Variants in SENP6 observed in about 807,000 individuals in gnomAD.
SENP6 encodes sentrin-specific protease 6.
A neutral mutation model predicts 134.5 loss-of-function variants in SENP6; 41 were observed. That is an observed-to-expected ratio of 0.30 (90% CI 0.24 to 0.40). The LOEUF is 0.40. SENP6 is among the 10% of genes least tolerant of loss of function. The pLI, the probability that SENP6 is intolerant of heterozygous loss-of-function variation, is 1.00. For missense variants in SENP6, 1,248 were observed against 1,312.5 expected (o/e 0.95, Z 0.76); for synonymous variants, 395 against 429.8 (o/e 0.92, Z 1.00).
chr6:75,616,960 C>A (rs901184134), intron 1 of SENP6, among the ~76,000 whole-genome samples: 1 of 151,910 alleles, frequency 6.6e-6, no homozygotes, highest in Non-Finnish European at 1.5e-5. Context: ...ACCTCCCAGG[C>A]TCAATTGATC....
intron 3 of SENP6, 122 bp downstream of exon 3, chr6:75,624,082 A>G (rs749443484): frequency 5.8e-5 from 39 of 668,350 alleles, no homozygotes; most frequent in Non-Finnish European, 9.2e-5. Context: ...CCAGAGGCAA[A>G]TGGTGTTCCC....
chr6:75,711,406 A>T lies in SENP6; in HGVS notation c.2899A>T (p.Ile967Phe). 6.2e-7 allele frequency: 1 copy of T among 1,607,368 alleles called. No homozygotes were observed. Among genetic ancestry groups the T allele is most frequent in the Non-Finnish European group, 8.5e-7 (1 of 1,174,550 alleles). The stretch of plus-strand genomic sequence containing the variant: ...AGGACAGTGGCATTTAAAGCCTACT[A>T]TCTGTAAACAGTAAGCATTAACTGT... Reference protein sequence around the residue: ...EIGQWHLKPTICKQPCILLMD... With the variant: ...EIGQWHLKPTFCKQPCILLMD... Residue 967 changes from isoleucine (I) to phenylalanine (F), a missense_variant, in exon 21 of 24, where the codon ATC becomes TTC. Ile to Phe is a conservative substitution (Grantham distance 21). Transcript: ENST00000447266.
chr6:75,602,571 T>C lies in SENP6; in HGVS notation c.47T>C (p.Leu16Pro). The C allele has an allele frequency of 6.4e-7, 1 of 1,551,426 alleles. No individual in the cohort carries two copies. Among genetic ancestry groups the C allele is most frequent in the Non-Finnish European group, 8.7e-7 (1 of 1,146,854 alleles). Residue 16 changes from leucine to proline, a missense_variant, in exon 1 of 24, where the codon CTG (leucine) becomes CCG (proline). Around this residue, in one of 3 missense-constraint regions of SENP6, gnomAD observed 733 missense variants for 725.4 expected, o/e 1.01. Transcript: ENST00000447266. ...GGTAGCGCAGGGGAGATTACTTTTC[T>C]GGAAGGTACGTCTGTTTCTGCCCTT... ...SGGSAGEITF[L>P]EALARSESKR...
At chr6:75,695,475 G>A (rs1489793549) in intron 16 of SENP6, among the ~76,000 whole-genome samples, 4 of 152,186 alleles carry the variant, frequency 2.6e-5, no homozygotes, top group African/African-American at 7.2e-5. Context: ...CATGGCTCAC[G>A]CCTGTAATCC....
At chr6:75,706,428 GT>G (rs760506105) in intron 19 of SENP6, among the ~76,000 whole-genome samples, 86 of 152,018 alleles carry the variant, frequency 5.7e-4, no homozygotes, top group Admixed American at 4.6e-4. Flanking sequence ...ATGAATTAAG[GT>G]ACTTGACTTA....
intron 5 of SENP6, among the ~76,000 whole-genome samples, chr6:75,637,678 G>C (rs185474484): frequency 6.6e-5 from 10 of 152,084 alleles, no homozygotes; most frequent in Admixed American, 6.5e-4. Context: ...AACCTTATAA[G>C]AAATTCTTGT....
At chr6:75,671,615 G>A (rs182471862) in intron 11 of SENP6, among the ~76,000 whole-genome samples, 11 of 152,078 alleles carry the variant, frequency 7.2e-5, no homozygotes, top group Non-Finnish European at 1.3e-4. Context: ...CCAGCTGCTC[G>A]GGAGGCTGAG....
intron 1 of SENP6, among the ~76,000 whole-genome samples, chr6:75,613,321 C>T (rs1236307610): frequency 6.6e-6 from 1 of 152,024 alleles, no homozygotes; most frequent in Non-Finnish European, 1.5e-5. Flanking sequence ...CACAGCAATA[C>T]CTATTTGCAT....
chr6:75,669,489 C>A (rs1258642179), intron 10 of SENP6, among the ~76,000 whole-genome samples: 3 of 151,414 alleles, frequency 2.0e-5, no homozygotes, highest in Non-Finnish European at 4.4e-5. Context: ...GTAGAAATAC[C>A]TTTAGAAGGA....
At chr6:75,648,198 C>T (rs1770603093) in intron 7 of SENP6, among the ~76,000 whole-genome samples, 1 of 152,104 alleles carries the variant, frequency 6.6e-6, no homozygotes, top group Non-Finnish European at 1.5e-5. Flanking sequence ...AAAGAGACCA[C>T]ACCTGCTAAA....
At chr6:75,712,430 A>G (rs1775801703) in intron 21 of SENP6, among the ~76,000 whole-genome samples, 1 of 152,110 alleles carries the variant, frequency 6.6e-6, no homozygotes, top group Admixed American at 6.6e-5. Context: ...TTGTGCTAGC[A>G]CTTCTGAAGA....
At chr6:75,641,144 C>G (rs1769997596) in intron 6 of SENP6, among the ~76,000 whole-genome samples, 1 of 152,116 alleles carries the variant, frequency 6.6e-6, no homozygotes, top group South Asian at 2.1e-4. Context: ...CCTACAGTAT[C>G]CACAGTTCTA....
chr6:75,602,676 C>CG (rs1408357258), intron 1 of SENP6, 100 bp downstream of exon 1: 1 of 1,257,412 alleles, frequency 8.0e-7, no homozygotes, highest in Non-Finnish European at 1.1e-6. Flanking sequence ...GGGTGGGTTT[C>CG]GGGGGCGGTG....
chr6:75,692,990 C>T (rs572734950), intron 16 of SENP6, among the ~76,000 whole-genome samples: 5 of 152,268 alleles, frequency 3.3e-5, no homozygotes, highest in African/African-American at 1.2e-4. Context: ...AGGATGGCTT[C>T]AGCCCAGGAG....
At chr6:75,668,332 G>A (rs1439553818) in intron 10 of SENP6, among the ~76,000 whole-genome samples, 1 of 152,056 alleles carries the variant, frequency 6.6e-6, no homozygotes, top group Non-Finnish European at 1.5e-5. Context: ...GTAGAACAGT[G>A]TAGCAAAACA....
chr6:75,648,181 C>T (rs1770601646), intron 7 of SENP6, among the ~76,000 whole-genome samples: 1 of 151,804 alleles, frequency 6.6e-6, no homozygotes, highest in South Asian at 2.1e-4. Context: ...GGGAAACACT[C>T]AATTAAAAAG....
chr6:75,713,786 T>C lies in SENP6; in HGVS notation c.3090T>C (p.Cys1030=), dbSNP rs1209725090. The change falls in exon 23 of 24, where the codon TGT becomes TGC. Residue 1030 remains cysteine, a synonymous_variant. Transcript: ENST00000447266. The stretch of plus-strand genomic sequence containing the variant: ...CACAGCAAAACAACTTCAGTGACTG[T>C]GGTGTATATGTATTGCAGTATGTAG... ...KVPQQNNFSD[C]GVYVLQYVES... is the part of the protein sequence containing the mutation. 3 of 1,613,440 alleles carry C rather than the reference T, an allele frequency of 1.9e-6. No homozygotes were observed. The highest frequency in any genetic ancestry group is 3.3e-5 in the Admixed American group (2 of 59,998).
intron 16 of SENP6, among the ~76,000 whole-genome samples, chr6:75,684,198 T>TACA: frequency 1.3e-5 from 2 of 152,180 alleles, no homozygotes; most frequent in Admixed American, 6.5e-5. Context: ...GCTCTCTGTT[T>TACA]ATCTGTTAAT....
At chr6:75,674,117 C>T (rs1206250268) in intron 11 of SENP6, among the ~76,000 whole-genome samples, 8 of 150,216 alleles carry the variant, frequency 5.3e-5, no homozygotes, top group African/African-American at 2.0e-4. Context: ...TCAACATCCA[C>T]GTATGCTAGA....
Sources: gnomAD v4.1 joint callset for allele counts (sites outside exome capture counted in the v4.1 genomes callset) on GRCh38, gnomAD v4.1.1 for gene constraint, gnomAD v4.1.1 regional missense constraint, MANE v1.5 for transcripts, NCBI Gene and HGNC (gene_info 2026-07-23, HGNC 2026-07-21) for gene names.